Variants in PARVB observed in about 807,000 individuals in gnomAD.
PARVB encodes beta-parvin.
PARVB carries 46 observed loss-of-function variants against 47.0 expected under a neutral mutation model. The ratio of observed to expected loss-of-function variants is 0.98; its 90% CI spans 0.77 to 1.25. PARVB has a LOEUF of 1.25. Ranked by LOEUF, PARVB falls within the 50% of genes most tolerant of loss-of-function variation. The pLI is 0.00. For synonymous variants in PARVB, 196 were observed against 196.3 expected (o/e 1.00, Z 0.01); for missense variants, 473 against 471.6 (o/e 1.00, Z -0.03).
At chr22:44,048,460 C>T (rs1287890156) in intron 1 of PARVB, among the ~76,000 whole-genome samples, 1 of 152,168 alleles carries the variant, frequency 6.6e-6, no homozygotes, top group Non-Finnish European at 1.5e-5. Context: ...CAACCTCCAC[C>T]TCCTGGGTTC....
intron 2 of PARVB, among the ~76,000 whole-genome samples, chr22:44,017,120 C>G (rs2050591869): frequency 6.6e-6 from 1 of 152,166 alleles, no homozygotes; most frequent in African/African-American, 2.4e-5. Flanking sequence ...GGTGATCTGC[C>G]TGCCTCAGCC....
rs977424901 is a variant in PARVB, at chr22:44,089,389, C to T, written c.113-4539C>T. ...CTTGGAAGCTCACACCCTCCACACC[C>T]TCCAGACACTGAGAGAATGCATGCC... On this transcript the variant is annotated intron_variant, in intron 1 of 12. Transcript: ENST00000338758. The surrounding 1 kb of genome is among the most constrained non-coding windows in gnomAD (Gnocchi z 4.0). 6.6e-6 allele frequency: 1 copy of T among 152,350 alleles called. No homozygotes were observed. The highest frequency in any genetic ancestry group is 6.5e-5 in the Admixed American group (1 of 15,290). The allele number at this position is 152,350 out of a possible 1,614,324, so 9.4% of individuals were successfully genotyped here.
chr22:44,113,458 TACTA>T (rs373287611), intron 3 of PARVB: 1 of 63,066 alleles, frequency 1.6e-5, no homozygotes, highest in Admixed American at 1.5e-4. Flanking sequence ...GATACATTGT[TACTA>T]ACTAAGGCCC....
At chr22:44,066,227 G>GT (rs2051520940) in intron 1 of PARVB, among the ~76,000 whole-genome samples, 1 of 152,166 alleles carries the variant, frequency 6.6e-6, no homozygotes, top group South Asian at 2.1e-4. Flanking sequence ...TGAGTGCTTT[G>GT]TTTTTAGTGA....
chr22:44,115,235 A>C (rs1286801332), intron 3 of PARVB: 2 of 76,928 alleles, frequency 2.6e-5, no homozygotes, highest in Non-Finnish European at 2.5e-5. Context: ...TTACTAACTA[A>C]GGCCCTACAC....
At chr22:44,021,769 A>G (rs2050652185), upstream of PARVB, among the ~76,000 whole-genome samples, 3 of 71,908 alleles carry the variant, frequency 4.2e-5, no homozygotes, top group African/African-American at 6.9e-5. Context: ...TCACACACAC[A>G]CACACACACA....
intron 2 of PARVB, among the ~76,000 whole-genome samples, chr22:44,016,198 G>T (rs534649550): frequency 1.2e-4 from 18 of 149,392 alleles, no homozygotes; most frequent in African/African-American, 4.5e-4. Context: ...CCAGGTTTAC[G>T]CAATTCTCCT....
At chr22:44,078,519 C>T (rs1341178446) in intron 1 of PARVB, among the ~76,000 whole-genome samples, 1 of 152,184 alleles carries the variant, frequency 6.6e-6, no homozygotes, top group Non-Finnish European at 1.5e-5. Context: ...CCTGCTTCCT[C>T]TTGTAAGGAC....
chr22:44,151,149 G>T, intron 9 of PARVB: 1 of 220,474 alleles, frequency 4.5e-6, no homozygotes, highest in East Asian at 9.5e-5. Context: ...ATTTGCAAAT[G>T]TAATGATCCT....
At chr22:44,149,981 C>G (rs2053767472) in intron 9 of PARVB, 1 of 151,966 alleles carries the variant, frequency 6.6e-6, no homozygotes, top group Non-Finnish European at 1.5e-5. Flanking sequence ...TGGCAAAAAC[C>G]CGTCTCTACT....
At chr22:44,069,379 C>T (rs878969128) in intron 1 of PARVB, among the ~76,000 whole-genome samples, 1 of 152,158 alleles carries the variant, frequency 6.6e-6, no homozygotes, top group Admixed American at 6.5e-5. Flanking sequence ...GAGGGTCTGA[C>T]TTGTGGAGTG....
Position 44,100,071 on chromosome 22 carries a change from C to T in PARVB, c.221C>T (p.Thr74Met), listed in dbSNP as rs62227666. 4.0e-5 allele frequency: 64 copies of T among 1,613,966 alleles called. No homozygotes were observed. In the South Asian group the frequency reaches 4.9e-4, roughly 12 times the overall value. The part of the protein sequence containing the change: ...DTQLEENEER[T>M]MIDPTSKEDP... ...CTGGCAGAGGAGAACGAGGAGCGCA[C>T]GATGATTGACCCCACTTCCAAGGAA... The change falls in exon 3 of 13, where the codon ACG becomes ATG. Residue 74 changes from threonine to methionine, a missense_variant. Physicochemically the swap from Thr to Met is moderately conservative, Grantham distance 81. Coordinates refer to ENST00000338758, the MANE Select transcript of PARVB (RefSeq NM_013327.5).
At chr22:44,024,084 G>A (rs961928404), upstream of PARVB, among the ~76,000 whole-genome samples, 5 of 152,170 alleles carry the variant, frequency 3.3e-5, no homozygotes, top group African/African-American at 1.2e-4. Context: ...GCTCCAACGC[G>A]TAGGGAAAAG....
At chr22:44,152,212 T>A (rs995056541) in intron 10 of PARVB, 1 of 151,068 alleles carries the variant, frequency 6.6e-6, no homozygotes, top group Non-Finnish European at 1.5e-5. Context: ...TGCAGTGGTG[T>A]GATCTCGGCT....
chr22:44,154,689 T>A (rs562235425), intron 10 of PARVB, among the ~76,000 whole-genome samples: 1 of 146,486 alleles, frequency 6.8e-6, no homozygotes, highest in Admixed American at 6.9e-5. Context: ...TGTGTGGTTT[T>A]CGTTGTCTGT....
At chr22:44,009,718 CCT>C (rs949355559) in intron 2 of PARVB, among the ~76,000 whole-genome samples, 2 of 150,770 alleles carry the variant, frequency 1.3e-5, no homozygotes, top group African/African-American at 2.4e-5. Flanking sequence ...CTTTAAAAAC[CCT>C]CTTTTATATA....
chr22:44,163,753 GT>G (rs2054102112), intron 11 of PARVB, 104 bp from the exon 12 acceptor site: 2 of 948,904 alleles, frequency 2.1e-6, no homozygotes, highest in Non-Finnish European at 1.6e-6. Context: ...GGACGTCAGC[GT>G]TGCAGAGGCT....
At chr22:44,060,722 T>C (rs1308082624) in intron 1 of PARVB, among the ~76,000 whole-genome samples, 1 of 151,734 alleles carries the variant, frequency 6.6e-6, no homozygotes, top group Non-Finnish European at 1.5e-5. Flanking sequence ...TGGGAAGAGG[T>C]CTAATCAGCC....
intron 1 of PARVB, among the ~76,000 whole-genome samples, chr22:44,088,501 T>A (rs1357514471): frequency 3.3e-5 from 5 of 152,174 alleles, no homozygotes. Context: ...AGACGGAGTC[T>A]CGCTGTGTTG....
Sources: gnomAD v4.1 joint callset for allele counts (sites outside exome capture counted in the v4.1 genomes callset) on GRCh38, gnomAD v4.1.1 for gene constraint, Gnocchi (gnomAD v3.1) non-coding constraint, MANE v1.5 for transcripts, NCBI Gene and HGNC (gene_info 2026-07-23, HGNC 2026-07-21) for gene names.